BMAL2: variants seen among roughly 807,000 people sequenced by gnomAD.
BMAL2 encodes the protein basic helix-loop-helix ARNT like 2.
the BMAL2 span, among the ~76,000 whole-genome samples, chr12:27,337,670 C>G: frequency 6.6e-6 from 1 of 152,176 alleles, no homozygotes; most frequent in Admixed American, 6.5e-5. Flanking sequence ...AGCTTTGGAA[C>G]TAGGCCACTG....
At chr12:27,347,084 A>G in the BMAL2 span, among the ~76,000 whole-genome samples, 244 of 152,244 alleles carry the variant, frequency 1.6e-3, 1 homozygote, top group African/African-American at 5.6e-3. Context: ...CTTTCCCACT[A>G]TTAGAATCAT....
At chr12:27,387,396 G>A in the BMAL2 span, 1 of 974,142 alleles carries the variant, frequency 1.0e-6, no homozygotes, top group Non-Finnish European at 1.6e-6. Context: ...CTCTTTTTCT[G>A]AACACCTTCT....
chr12:27,334,473 A>G, the BMAL2 span, among the ~76,000 whole-genome samples: 1 of 152,260 alleles, frequency 6.6e-6, no homozygotes, highest in African/African-American at 2.4e-5. Flanking sequence ...ATTAATTTAC[A>G]ACTTCAATTT....
chr12:27,389,853 C>G, the BMAL2 span: 8 of 343,380 alleles, frequency 2.3e-5, no homozygotes, highest in East Asian at 3.8e-4. Flanking sequence ...CTTTGTTCTT[C>G]CCCATTTGAG....
chr12:27,409,372 G>T, the BMAL2 span, among the ~76,000 whole-genome samples: 2 of 152,168 alleles, frequency 1.3e-5, no homozygotes, highest in African/African-American at 4.8e-5. Flanking sequence ...AACCAAAACA[G>T]CATGGTACTG....
chr12:27,397,936 C>T, the BMAL2 span, among the ~76,000 whole-genome samples: 1 of 152,330 alleles, frequency 6.6e-6, no homozygotes, highest in Admixed American at 6.5e-5. Context: ...CCCCCAGCAC[C>T]CACTACTGCG....
At chr12:27,343,085 A>G in the BMAL2 span, among the ~76,000 whole-genome samples, 1 of 152,232 alleles carries the variant, frequency 6.6e-6, no homozygotes, top group Non-Finnish European at 1.5e-5. Flanking sequence ...TAGGAAGCAC[A>G]TGGAAGCAAA....
At chr12:27,367,605 C>A in the BMAL2 span, among the ~76,000 whole-genome samples, 1 of 151,954 alleles carries the variant, frequency 6.6e-6, no homozygotes, top group South Asian at 2.1e-4. Context: ...TCTGTGTTTT[C>A]TGTGTTTTCT....
chr12:27,355,734 G>A, the BMAL2 span, among the ~76,000 whole-genome samples: 5 of 152,214 alleles, frequency 3.3e-5, no homozygotes, highest in Non-Finnish European at 4.4e-5. Flanking sequence ...GAATCTAGCA[G>A]TGTGTGGTTT....
At chr12:27,420,778 A>T in the BMAL2 span, 1 of 347,840 alleles carries the variant, frequency 2.9e-6, no homozygotes, top group Non-Finnish European at 5.1e-6. Context: ...TAGTTGCCAT[A>T]TTTTTGCTAA....
At chr12:27,411,449 T>A in the BMAL2 span, among the ~76,000 whole-genome samples, 1 of 149,980 alleles carries the variant, frequency 6.7e-6, no homozygotes, top group African/African-American at 2.5e-5. Flanking sequence ...AGACCCCATC[T>A]CAAAAAAAAA....
the BMAL2 span, among the ~76,000 whole-genome samples, chr12:27,337,545 C>A: frequency 2.0e-5 from 3 of 152,154 alleles, no homozygotes; most frequent in African/African-American, 7.2e-5. Context: ...AATACCCCTG[C>A]CCTCCCTCTA....
At chr12:27,345,208 T>G in the BMAL2 span, among the ~76,000 whole-genome samples, 3 of 152,228 alleles carry the variant, frequency 2.0e-5, 1 homozygote, top group Non-Finnish European at 4.4e-5. Flanking sequence ...CTGCAACTGC[T>G]TCCCCCCAAA....
chr12:27,379,329 G>A, the BMAL2 span, among the ~76,000 whole-genome samples: 1 of 152,218 alleles, frequency 6.6e-6, no homozygotes, highest in Non-Finnish European at 1.5e-5. Context: ...CAGGAACTGA[G>A]TGAAGTATGA....
At chr12:27,350,781 G>A in the BMAL2 span, among the ~76,000 whole-genome samples, 2 of 151,934 alleles carry the variant, frequency 1.3e-5, no homozygotes, top group African/African-American at 4.8e-5. Context: ...CCAGGTTCAA[G>A]CGATTCTCTT....
At chr12:27,333,692 C>T in the BMAL2 span, among the ~76,000 whole-genome samples, 7,260 of 152,340 alleles carry the variant, frequency 0.048, 576 homozygotes, top group African/African-American at 0.16. Context: ...GGGATCGCAG[C>T]CCGCTCCGCG....
chr12:27,404,608 A>C, the BMAL2 span, among the ~76,000 whole-genome samples: 1 of 152,220 alleles, frequency 6.6e-6, no homozygotes, highest in African/African-American at 2.4e-5. Flanking sequence ...CTATAAAACT[A>C]AAGCTTTTCG....
the BMAL2 span, among the ~76,000 whole-genome samples, chr12:27,413,847 A>G: frequency 4.8e-4 from 73 of 152,334 alleles, no homozygotes; most frequent in African/African-American, 1.8e-3. Context: ...AGGGGTGACC[A>G]TACTTATGTT....
At chr12:27,370,441 CT>C in the BMAL2 span, among the ~76,000 whole-genome samples, 2 of 152,150 alleles carry the variant, frequency 1.3e-5, no homozygotes, top group African/African-American at 4.8e-5. Context: ...TATATAGTGT[CT>C]TTCCCCAGGA....
Sources: allele counts gnomAD v4.1 joint callset (sites outside exome capture counted in the v4.1 genomes callset), GRCh38; gene constraint gnomAD v4.1.1; transcripts MANE v1.5; gene names NCBI Gene and HGNC (gene_info 2026-07-23, HGNC 2026-07-21).